The following EML4 variants were observed in gnomAD, a reference collection of about 807,000 sequenced individuals.
EML4 encodes the protein EMAP like 4.
EML4 carries 72 observed loss-of-function variants against 129.0 expected under a neutral mutation model. That is an observed-to-expected ratio of 0.56 (90% CI 0.46 to 0.68). The LOEUF (loss-of-function observed/expected upper bound fraction) is 0.68. Ranked by LOEUF, EML4 falls within the 30% of genes least tolerant of loss-of-function variation. EML4 has a pLI of 0.00. For missense variants in EML4, 1,363 were observed against 1,190.6 expected, an observed-to-expected ratio of 1.14 and a Z score of -2.13; for synonymous variants, 532 against 405.0, an observed-to-expected ratio of 1.31 and a Z score of -3.77.
intron 17 of EML4, among the ~76,000 whole-genome samples, chr2:42,309,396 A>G (rs1186014816): frequency 2.0e-5 from 3 of 150,066 alleles, no homozygotes; most frequent in Non-Finnish European, 4.4e-5. Context: ...TGGATGACAG[A>G]GCGAGACCCT....
intron 3 of EML4, among the ~76,000 whole-genome samples, chr2:42,260,184 T>C (rs1247351148): frequency 1.3e-5 from 2 of 151,690 alleles, no homozygotes; most frequent in Non-Finnish European, 2.9e-5. Context: ...TGTTTGTTTT[T>C]TGAGATGGAG....
At chr2:42,240,174 A>T (rs1674931403) in intron 1 of EML4, among the ~76,000 whole-genome samples, 1 of 152,230 alleles carries the variant, frequency 6.6e-6, no homozygotes, top group African/African-American at 2.4e-5. Flanking sequence ...TCCTTATAAC[A>T]CTGGAACACT....
chr2:42,316,587 A>T (rs749770221), intron 18 of EML4, among the ~76,000 whole-genome samples: 4 of 152,162 alleles, frequency 2.6e-5, no homozygotes, highest in Non-Finnish European at 4.4e-5. Context: ...AATTATTTGT[A>T]CTTTATTCAC....
intron 6 of EML4, 157 bp downstream of exon 6, chr2:42,264,888 T>C (rs766362769): frequency 6.5e-7 from 1 of 1,548,622 alleles, no homozygotes; most frequent in Admixed American, 2.0e-5. Flanking sequence ...CAGTTTTTAT[T>C]GTAAGGTAAT....
intron 6 of EML4, among the ~76,000 whole-genome samples, chr2:42,270,745 A>G (rs1268681492): frequency 6.6e-6 from 1 of 152,194 alleles, no homozygotes; most frequent in African/African-American, 2.4e-5. Flanking sequence ...TAATCGAACT[A>G]CAGACAGATT....
In EML4 at chr2:42,295,268, C is replaced by A; in HGVS notation, c.1353+9C>A. On this transcript the variant is annotated intron_variant, in intron 12 of 22. Transcript: ENST00000318522. ...AACAGGGAATTTTTGGGGTAAGAAT[C>A]AGATTGTTTTAATGTCATTAGGTGT... 6.2e-7 allele frequency: 1 copy of A among 1,612,306 alleles called. No homozygotes were observed. Among genetic ancestry groups the A allele is most frequent in the Non-Finnish European group, 8.5e-7 (1 of 1,179,388 alleles).
At chr2:42,245,757 A>T (rs1675364884) in intron 2 of EML4, 70 bp downstream of exon 2, 5 of 1,396,612 alleles carry the variant, frequency 3.6e-6, no homozygotes, top group Non-Finnish European at 4.8e-6. Flanking sequence ...GAAGCTGGAA[A>T]TATAAAACTA....
chr2:42,211,819 A>C (rs938931692), intron 1 of EML4, among the ~76,000 whole-genome samples: 3 of 151,988 alleles, frequency 2.0e-5, no homozygotes, highest in African/African-American at 7.2e-5. Context: ...CTTCCCAGAC[A>C]CAAAATAACC....
At chr2:42,272,757 A>G (rs922839032) in intron 6 of EML4, among the ~76,000 whole-genome samples, 2 of 152,222 alleles carry the variant, frequency 1.3e-5, no homozygotes, top group Non-Finnish European at 1.5e-5. Flanking sequence ...ATAAATACGT[A>G]TAAGATTAGA....
intron 2 of EML4, among the ~76,000 whole-genome samples, chr2:42,248,082 C>T (rs1675528367): frequency 6.6e-6 from 1 of 152,098 alleles, no homozygotes; most frequent in African/African-American, 2.4e-5. Context: ...AAGTGGTCCT[C>T]ATTCCTCAGC....
intron 1 of EML4, among the ~76,000 whole-genome samples, chr2:42,195,964 T>C (rs1241867489): frequency 6.6e-6 from 1 of 152,204 alleles, no homozygotes; most frequent in Admixed American, 6.5e-5. Context: ...GGCAGACAAA[T>C]ATATCTTTGA....
At chr2:42,314,385 G>A (rs1046820866) in intron 17 of EML4, among the ~76,000 whole-genome samples, 1 of 151,514 alleles carries the variant, frequency 6.6e-6, no homozygotes, top group South Asian at 2.1e-4. Flanking sequence ...TGCTTTTTTT[G>A]CCCTGTTCAG....
In EML4 at chr2:42,288,249, T is replaced by A; in HGVS notation, c.1145T>A (p.Ile382Asn). Residue 382 changes from isoleucine to asparagine, a missense_variant, in exon 11 of 23, where the codon ATT (isoleucine) becomes AAT (asparagine). Coordinates refer to ENST00000318522, the MANE Select transcript of EML4 (RefSeq NM_019063.5). ...TAGGATTCAGGTGTTCATTTATGTA[T>A]TATTGATGACTCCAATGAGCATATG... ...SKADSGVHLC[I>N]IDDSNEHMLT... The A allele has an allele frequency of 6.5e-7, 1 of 1,528,358 alleles. No individual in the cohort carries two copies. The highest frequency in any genetic ancestry group is 9.0e-7 in the Non-Finnish European group (1 of 1,114,924). The allele number at this position is 1,528,358 out of a possible 1,614,324, so 94.7% of individuals were successfully genotyped here. A position where few individuals can be genotyped will look rare whatever the true frequency, so the allele number is the denominator to read the frequency against.
At chr2:42,314,466 A>T (rs1016707968) in intron 17 of EML4, among the ~76,000 whole-genome samples, 1 of 152,198 alleles carries the variant, frequency 6.6e-6, no homozygotes, top group African/African-American at 2.4e-5. Context: ...TAATTCTGTC[A>T]TCTACTCAGG....
intron 6 of EML4, among the ~76,000 whole-genome samples, chr2:42,265,375 G>A (rs1665999538): frequency 6.6e-6 from 1 of 152,096 alleles, no homozygotes; most frequent in Admixed American, 6.6e-5. Flanking sequence ...AAAGTGCAGG[G>A]ATTACACGCA....
At chr2:42,219,559 T>C (rs1673424745) in intron 1 of EML4, among the ~76,000 whole-genome samples, 1 of 152,204 alleles carries the variant, frequency 6.6e-6, no homozygotes, top group African/African-American at 2.4e-5. Context: ...TTAACAAAAT[T>C]TTAAAAAATC....
Position 42,280,854 on chromosome 2 carries a change from A to T in EML4, c.672A>T (p.Gly224=), listed in dbSNP as rs748653164. The T allele has an allele frequency of 1.8e-5, 29 of 1,606,206 alleles. No individual in the cohort carries two copies. The highest frequency in any genetic ancestry group is 2.4e-5 in the Non-Finnish European group (28 of 1,177,134). ...TTTTGTCTTGTGTTTCAACAGAAGGAGAATATATTAAAATGTTTATGCGCG... is the reference window on the plus strand; with the variant it reads ...TTTTGTCTTGTGTTTCAACAGAAGGTGAATATATTAAAATGTTTATGCGCG... ...KHKDVIINQE[G]EYIKMFMRGR... is the part of the protein sequence containing the mutation. Residue 224 remains glycine, a synonymous_variant, in exon 7 of 23, where the codon GGA becomes GGT. Coordinates refer to ENST00000318522, the MANE Select transcript of EML4 (RefSeq NM_019063.5).
At position 42,317,443 on chromosome 2, in the gene EML4, T is replaced by G; in HGVS notation, c.2073T>G (p.Ala691=). The change falls in exon 19 of 23, where the codon GCT becomes GCG. Residue 691 remains alanine (A), a synonymous_variant. Transcript: ENST00000318522. ...TTATTCTAGATGGTACCTTCCTGGC[T>G]GTAGGATCTCATGACAACTTTATTT... ...MRYSIDGTFL[A]VGSHDNFIYL... The G allele has an allele frequency of 1.2e-6, 2 of 1,611,426 alleles. No individual in the cohort carries two copies. The highest frequency in any genetic ancestry group is 1.7e-6 in the Non-Finnish European group (2 of 1,178,188).
chr2:42,285,359 A>T (rs1329777013), intron 9 of EML4, among the ~76,000 whole-genome samples: 1 of 152,214 alleles, frequency 6.6e-6, no homozygotes, highest in Non-Finnish European at 1.5e-5. Flanking sequence ...CGTATGTATG[A>T]CTATACTCAT....
Sources: allele counts gnomAD v4.1 joint callset (sites outside exome capture counted in the v4.1 genomes callset), GRCh38; gene constraint gnomAD v4.1.1; transcripts MANE v1.5; gene names NCBI Gene and HGNC (gene_info 2026-07-23, HGNC 2026-07-21).